The following SLC6A11 variants were observed in gnomAD, a reference collection of about 807,000 sequenced individuals.
SLC6A11 encodes the protein solute carrier family 6 member 11, also known as sodium- and chloride-dependent GABA transporter 3.
SLC6A11 carries 25 observed loss-of-function variants against 74.8 expected under a neutral mutation model. The observed-to-expected ratio is 0.33, with a 90% CI of 0.24 to 0.47. The LOEUF is 0.47. Ranked by LOEUF, SLC6A11 falls within the 20% of genes least tolerant of loss-of-function variation. SLC6A11 has a pLI of 1.00. For synonymous variants in SLC6A11, 330 were observed against 330.2 expected (o/e 1.00, Z 0.01); for missense variants, 574 against 837.0 (o/e 0.69, Z 3.88).
intron 5 of SLC6A11, among the ~76,000 whole-genome samples, chr3:10,873,455 G>GC (rs1694857283): frequency 7.0e-5 from 4 of 57,390 alleles, no homozygotes; most frequent in African/African-American, 3.4e-4. Context: ...CTATCCTATG[G>GC]CATGCTATCC....
intron 5 of SLC6A11, among the ~76,000 whole-genome samples, chr3:10,845,249 T>C (rs145649919): frequency 3.9e-5 from 6 of 152,306 alleles, no homozygotes; most frequent in African/African-American, 1.4e-4. Flanking sequence ...CACAGTGGCA[T>C]GTGTTTGAAC....
chr3:10,874,022 C>CG (rs1694879011), intron 5 of SLC6A11, among the ~76,000 whole-genome samples: 2 of 140,246 alleles, frequency 1.4e-5, no homozygotes, highest in African/African-American at 2.7e-5. Context: ...GCTATACCAT[C>CG]CTATCCTATC....
At chr3:10,929,996 C>T (rs1695664323) in intron 10 of SLC6A11, among the ~76,000 whole-genome samples, 2 of 152,064 alleles carry the variant, frequency 1.3e-5, no homozygotes, top group Non-Finnish European at 1.5e-5. Flanking sequence ...TCCCCATATA[C>T]ACAAAATTAA....
chr3:10,934,390 C>T (rs1695731632), intron 12 of SLC6A11, among the ~76,000 whole-genome samples: 1 of 152,236 alleles, frequency 6.6e-6, no homozygotes, highest in Admixed American at 6.5e-5. Flanking sequence ...ACTAGGAGCA[C>T]AGCGCCTCCC....
chr3:10,926,695 G>A lies in SLC6A11; in HGVS notation c.1233+579G>A, dbSNP rs541317964. Among the ~76,000 whole-genome samples, 1 of 152,278 alleles carries A rather than the reference G, an allele frequency of 6.6e-6. No homozygotes were observed. Among genetic ancestry groups the A allele is most frequent in the South Asian group, 2.1e-4 (1 of 4,822 alleles). On this transcript the variant is annotated intron_variant, in intron 9 of 13. Transcript: ENST00000254488. The surrounding 1 kb of genome is among the most constrained non-coding windows in gnomAD (Gnocchi z 5.7). ...CTTGGCAGCCTCCTTCCCTGGCGAAGGGGGTAGACCTGGAGCTAGTAACTC... is the reference window on the plus strand; with the variant it reads ...CTTGGCAGCCTCCTTCCCTGGCGAAAGGGGTAGACCTGGAGCTAGTAACTC...
At chr3:10,891,989 A>C (rs777386883) in intron 6 of SLC6A11, among the ~76,000 whole-genome samples, 4 of 152,240 alleles carry the variant, frequency 2.6e-5, no homozygotes, top group Non-Finnish European at 5.9e-5. Context: ...TCTTGTTATT[A>C]AGTTGCTATG....
At chr3:10,828,941 C>A (rs1300787926) in intron 4 of SLC6A11, among the ~76,000 whole-genome samples, 1 of 152,164 alleles carries the variant, frequency 6.6e-6, no homozygotes, top group Non-Finnish European at 1.5e-5. Flanking sequence ...ATTCTAGGTG[C>A]TCAATAAATA....
At chr3:10,895,475 A>T (rs952278089) in intron 6 of SLC6A11, among the ~76,000 whole-genome samples, 1 of 152,218 alleles carries the variant, frequency 6.6e-6, no homozygotes, top group South Asian at 2.1e-4. Context: ...GGAAGCCATT[A>T]TCCTCAGCAA....
chr3:10,877,493 T>C (rs1694923946), intron 6 of SLC6A11, among the ~76,000 whole-genome samples: 1 of 152,160 alleles, frequency 6.6e-6, no homozygotes, highest in Admixed American at 6.5e-5. Context: ...AGAGAAGCCT[T>C]CCTGCGATGC....
At chr3:10,927,748 G>A (rs995774280) in intron 9 of SLC6A11, among the ~76,000 whole-genome samples, 2 of 152,210 alleles carry the variant, frequency 1.3e-5, no homozygotes, top group Non-Finnish European at 2.9e-5. Flanking sequence ...TGTGTGCCTT[G>A]GGCTAGTCAC....
At chr3:10,822,389 C>T (rs571613608) in intron 3 of SLC6A11, among the ~76,000 whole-genome samples, 3 of 152,292 alleles carry the variant, frequency 2.0e-5, no homozygotes, top group African/African-American at 7.2e-5. Flanking sequence ...GGGCAATACC[C>T]GTGGCAAAGT....
intron 5 of SLC6A11, among the ~76,000 whole-genome samples, chr3:10,863,417 C>T (rs1205589856): frequency 6.6e-6 from 1 of 152,236 alleles, no homozygotes; most frequent in Non-Finnish European, 1.5e-5. Flanking sequence ...TTGAGTTCAT[C>T]TGCTGCATTG....
intron 6 of SLC6A11, among the ~76,000 whole-genome samples, chr3:10,889,934 G>T (rs1239552986): frequency 1.3e-5 from 2 of 152,142 alleles, no homozygotes; most frequent in Admixed American, 6.5e-5. Context: ...AGAGCTTCCT[G>T]CAAAGGGAAT....
chr3:10,832,676 C>T (rs570988792), intron 4 of SLC6A11, among the ~76,000 whole-genome samples: 4 of 152,164 alleles, frequency 2.6e-5, no homozygotes, highest in Non-Finnish European at 5.9e-5. Context: ...TAGTATTTCC[C>T]CGTACTCTTA....
chr3:10,819,426 C>T (rs780462405), intron 1 of SLC6A11, 39 bp from the exon 2 acceptor site: 51 of 1,584,138 alleles, frequency 3.2e-5, no homozygotes, highest in Non-Finnish European at 3.9e-5. Flanking sequence ...TATGAATCGG[C>T]AGGGACAGTT....
intron 6 of SLC6A11, among the ~76,000 whole-genome samples, chr3:10,887,331 G>A (rs1336019559): frequency 2.6e-5 from 4 of 151,390 alleles, no homozygotes; most frequent in Non-Finnish European, 1.5e-5. Flanking sequence ...TGGATGGATG[G>A]ATGGATGGTG....
intron 7 of SLC6A11, among the ~76,000 whole-genome samples, chr3:10,913,399 A>T (rs897161251): frequency 3.9e-5 from 6 of 152,230 alleles, no homozygotes; most frequent in African/African-American, 1.4e-4. Flanking sequence ...GGGAAGTCAG[A>T]GGTGGGGAGG....
At chr3:10,873,750 ATCCTGTCCTG>A (rs879308504) in intron 5 of SLC6A11, among the ~76,000 whole-genome samples, 6 of 139,318 alleles carry the variant, frequency 4.3e-5, no homozygotes, top group East Asian at 2.1e-4. Flanking sequence ...GTCCCATGCT[ATCCTGTCCTG>A]TCCTGTCCTG....
intron 5 of SLC6A11, among the ~76,000 whole-genome samples, chr3:10,873,503 T>C (rs2928075): frequency 2.0e-5 from 3 of 149,074 alleles, no homozygotes; most frequent in Non-Finnish European, 3.0e-5. Flanking sequence ...TGCTATCCTA[T>C]CCTATCCTAT....
Sources: allele counts gnomAD v4.1 joint callset (sites outside exome capture counted in the v4.1 genomes callset), GRCh38; gene constraint gnomAD v4.1.1; non-coding constraint Gnocchi (gnomAD v3.1); transcripts MANE v1.5; gene names NCBI Gene and HGNC (gene_info 2026-07-23, HGNC 2026-07-21).